MYT1: variants seen among roughly 807,000 people sequenced by gnomAD.
The protein encoded by MYT1 is myelin transcription factor I.
MYT1 carries 23 observed loss-of-function variants against 123.0 expected under a neutral mutation model. The observed-to-expected ratio is 0.19, with a 90% CI of 0.13 to 0.26. MYT1 has a LOEUF of 0.26. Among genes scored for constraint, MYT1 ranks in the 10% least tolerant of loss-of-function variants. The pLI is 1.00. For synonymous variants in MYT1, 518 were observed against 575.3 expected (o/e 0.90, Z 1.43); for missense variants, 1,125 against 1,472.5 (o/e 0.76, Z 3.86).
chr20:64,196,474 C>T lies in MYT1; in HGVS notation c.1-2388C>T, dbSNP rs1983123767. 6.6e-6 allele frequency among the ~76,000 whole-genome samples: 1 copy of T among 152,260 alleles called. No individual in the cohort carries two copies. The highest frequency in any genetic ancestry group is 2.1e-4 in the South Asian group (1 of 4,836). On this transcript the variant is annotated intron_variant, in intron 2 of 22. Coordinates refer to ENST00000328439, the MANE Select transcript of MYT1 (RefSeq NM_004535.3). This position sits in a 1 kb window ranked among gnomAD's most constrained non-coding sequence, Gnocchi z 4.3. ...AAGCAGTGCTGGTTTTGTCCAGATGCTTTCGCGTCAGCCGGCACTGCTGAT... is the reference window on the plus strand; with the variant it reads ...AAGCAGTGCTGGTTTTGTCCAGATGTTTTCGCGTCAGCCGGCACTGCTGAT...
rs80243295 is a variant in MYT1, at chr20:64,203,042, C to T, written c.87-1993C>T. 3.8e-3 allele frequency among the ~76,000 whole-genome samples: 584 copies of T among 152,318 alleles called. 5 individuals carry two copies. The highest frequency in any genetic ancestry group is 0.013 in the African/African-American group (559 of 41,578). On this transcript the variant is annotated intron_variant, in intron 4 of 22. Coordinates refer to ENST00000328439, the MANE Select transcript of MYT1 (RefSeq NM_004535.3). This position sits in a 1 kb window ranked among gnomAD's most constrained non-coding sequence, Gnocchi z 5.1. Reference sequence around the variant, plus strand: ...GCCCTGGCTGGGTCTCTTGTCCACTCGGCTGTGGGGTGGGGAGCAGGCATC... The same window carrying T: ...GCCCTGGCTGGGTCTCTTGTCCACTTGGCTGTGGGGTGGGGAGCAGGCATC...
At chr20:64,228,883 G>A (rs114841293) in intron 18 of MYT1, among the ~76,000 whole-genome samples, 1,864 of 152,276 alleles carry the variant, frequency 0.012, 28 homozygotes, top group African/African-American at 0.043. Flanking sequence ...GGGCCGGCTC[G>A]GTCGGGACGG....
intron 18 of MYT1, chr20:64,228,235 C>T (rs564909268): frequency 1.0e-4 from 51 of 503,208 alleles, no homozygotes; most frequent in Middle Eastern, 1.0e-3. Context: ...GAGTATTTGA[C>T]GGGGCTGGGA....
chr20:64,236,925 T>A (rs1422129623), intron 20 of MYT1, among the ~76,000 whole-genome samples: 2 of 152,178 alleles, frequency 1.3e-5, no homozygotes, highest in Non-Finnish European at 2.9e-5. Flanking sequence ...GTGGAGCCCA[T>A]GTGCTGTGAG....
Position 64,210,321 on chromosome 20 carries a change from C to T in MYT1, c.1292-885C>T, listed in dbSNP as rs939539952. On this transcript the variant is annotated intron_variant, in intron 7 of 22. Coordinates refer to ENST00000328439, the MANE Select transcript of MYT1 (RefSeq NM_004535.3). ...TGAGTGTCTGTGCAACGTGAACGTG[C>T]GGTTCTGGTTCTGAGGGACTGATGT... Among the ~76,000 whole-genome samples the T allele has an allele frequency of 1.4e-4, 21 of 152,332 alleles. 1 individual carries two copies. Among genetic ancestry groups the T allele is most frequent in the Non-Finnish European group, 2.9e-4 (20 of 68,036 alleles).
In MYT1 at chr20:64,205,773, G is replaced by A. The variant is rs1377049309; in HGVS notation, c.370G>A (p.Glu124Lys). The change falls in exon 6 of 23, where the codon GAG becomes AAG. Residue 124 changes from glutamate (E) to lysine (K), a missense_variant. Glu to Lys is a moderately conservative substitution (Grantham distance 56). Coordinates refer to ENST00000328439, the MANE Select transcript of MYT1 (RefSeq NM_004535.3). ...CGAGGCTGAGACGTCAGGACAGGAC[G>A]AGATTCATCGCCCCGAGACAGCTGA... Reference protein sequence around the residue: ...GAEAETSGQDEIHRPETAEGR... With the variant: ...GAEAETSGQDKIHRPETAEGR... The A allele has an allele frequency of 9.9e-6, 16 of 1,614,084 alleles. No homozygotes were observed. The East Asian group carries it at 2.2e-4, about 22-fold the overall frequency.
rs1391278691 is a variant in MYT1 at position 64,203,294 on chromosome 20, G to A, written c.87-1741G>A. On this transcript the variant is annotated intron_variant, in intron 4 of 22. Transcript: ENST00000328439. This position sits in a 1 kb window ranked among gnomAD's most constrained non-coding sequence, Gnocchi z 5.1. ...GCCTGATTCACTCAGTGATGTCATC[G>A]GCTAATTGGGACCTTAGCTTCAAAT... is the stretch of plus-strand genomic sequence containing the variant. Among the ~76,000 whole-genome samples the A allele has an allele frequency of 1.3e-5, 2 of 152,196 alleles. No homozygotes were observed. The highest frequency in any genetic ancestry group is 2.9e-5 in the Non-Finnish European group (2 of 68,034).
chr20:64,229,976 C>A (rs569710917), intron 18 of MYT1, among the ~76,000 whole-genome samples: 1 of 152,144 alleles, frequency 6.6e-6, no homozygotes, highest in African/African-American at 2.4e-5. Flanking sequence ...CCCCCCAACA[C>A]GTGATAGGAA....
chr20:64,208,374 G>A lies in MYT1; in HGVS notation c.1178G>A (p.Arg393His), dbSNP rs769133150. ...ATCGCCCTGAAGGCTGAACAGGTGCGCACAGTCTGCGAGCCGGGCTGCCCG... is the reference window on the plus strand; with the variant it reads ...ATCGCCCTGAAGGCTGAACAGGTGCACACAGTCTGCGAGCCGGGCTGCCCG... Reference protein sequence around the residue: ...QAIALKAEQVRTVCEPGCPPA... With the variant: ...QAIALKAEQVHTVCEPGCPPA... The change falls in exon 7 of 23, where the codon CGC becomes CAC. Residue 393 changes from arginine to histidine, a missense_variant. Coordinates refer to ENST00000328439, the MANE Select transcript of MYT1 (RefSeq NM_004535.3). The surrounding 1 kb of genome is among the most constrained non-coding windows in gnomAD (Gnocchi z 5.4). 16 of 1,613,514 alleles carry A rather than the reference G, an allele frequency of 9.9e-6. No homozygotes were observed. The highest frequency in any genetic ancestry group is 5.3e-5 in the African/African-American group (4 of 74,944).
At chr20:64,239,469 A>G (rs918954363) in intron 21 of MYT1, among the ~76,000 whole-genome samples, 6 of 152,086 alleles carry the variant, frequency 3.9e-5, no homozygotes, top group African/African-American at 1.4e-4. Flanking sequence ...CTTCTCCTGC[A>G]CGGCGGGTTT....
At chr20:64,229,363 A>G (rs1182920536) in intron 18 of MYT1, among the ~76,000 whole-genome samples, 1 of 152,218 alleles carries the variant, frequency 6.6e-6, no homozygotes, top group Non-Finnish European at 1.5e-5. Context: ...TGCATTTGCA[A>G]ATGATTAAAA....
chr20:64,216,338 CCTGTGCCTT>C (rs1197467852), intron 10 of MYT1, among the ~76,000 whole-genome samples: 2 of 152,240 alleles, frequency 1.3e-5, no homozygotes, highest in Non-Finnish European at 2.9e-5. Context: ...TCTTCCTGCC[CCTGTGCCTT>C]CTATGCCAGT....
Position 64,186,250 on chromosome 20 carries a change from C to T in MYT1, c.-98-3813C>T, listed in dbSNP as rs1386500184. Among the ~76,000 whole-genome samples, 4 of 152,100 alleles carry T rather than the reference C, an allele frequency of 2.6e-5. No individual in the cohort carries two copies. Among genetic ancestry groups the T allele is most frequent in the African/African-American group, 9.7e-5 (4 of 41,396 alleles). On this transcript the variant is annotated intron_variant, in intron 1 of 22. Coordinates refer to ENST00000328439, the MANE Select transcript of MYT1 (RefSeq NM_004535.3). The surrounding 1 kb of genome is among the most constrained non-coding windows in gnomAD (Gnocchi z 4.3). ...GACTCCAGGTGCAAAGATGCCGGGT[C>T]CCTAGAGAGGGGTCCCAGCCAGCGC...
chr20:64,195,333 C>A (rs1166496919), intron 2 of MYT1, among the ~76,000 whole-genome samples: 1 of 142,730 alleles, frequency 7.0e-6, no homozygotes, highest in Non-Finnish European at 1.5e-5. Context: ...GGCTGGTCTT[C>A]GTACCATGTC....
intron 4 of MYT1, among the ~76,000 whole-genome samples, chr20:64,201,438 A>G (rs1983295195): frequency 6.7e-6 from 1 of 149,956 alleles, no homozygotes; most frequent in African/African-American, 2.5e-5. Flanking sequence ...TGTTCCAACA[A>G]TAATTTCTTC....
chr20:64,187,101 T>C (rs1319914909), intron 1 of MYT1, among the ~76,000 whole-genome samples: 1 of 149,636 alleles, frequency 6.7e-6, no homozygotes, highest in African/African-American at 2.5e-5. Context: ...CATCCATGTT[T>C]CCGTGGAGAG....
intron 1 of MYT1, among the ~76,000 whole-genome samples, chr20:64,178,963 C>A (rs1170472563): frequency 7.2e-6 from 1 of 139,708 alleles, no homozygotes. Context: ...CGTGGGAGCA[C>A]TGAGCCGTTA....
intron 1 of MYT1, among the ~76,000 whole-genome samples, chr20:64,184,713 T>G (rs1982747805): frequency 1.3e-5 from 2 of 152,128 alleles, no homozygotes; most frequent in South Asian, 4.1e-4. Flanking sequence ...CTGGTGAGAT[T>G]TAGAAAATAA....
intron 1 of MYT1, among the ~76,000 whole-genome samples, chr20:64,176,907 C>T (rs751688011): frequency 3.3e-5 from 5 of 152,204 alleles, no homozygotes; most frequent in Non-Finnish European, 5.9e-5. Context: ...TTTGGAAAGT[C>T]ATTATTACTG....
Sources: gnomAD v4.1 joint callset for allele counts (sites outside exome capture counted in the v4.1 genomes callset) on GRCh38, gnomAD v4.1.1 for gene constraint, Gnocchi (gnomAD v3.1) non-coding constraint, MANE v1.5 for transcripts, NCBI Gene and HGNC (gene_info 2026-07-23, HGNC 2026-07-21) for gene names.